Variants in CACUL1 observed in about 807,000 individuals in gnomAD.
CACUL1 encodes CDK2 associated cullin domain 1, also known as CDK2-associated and cullin domain-containing protein 1.
In CACUL1, 13 loss-of-function variants were observed where a neutral mutation model predicts 45.2. That is an observed-to-expected ratio of 0.29 (90% CI 0.19 to 0.46). The LOEUF (loss-of-function observed/expected upper bound fraction) is 0.46. CACUL1 is among the 20% of genes least tolerant of loss of function. CACUL1 has a pLI of 1.00. For missense variants in CACUL1, 421 were observed against 471.4 expected (o/e 0.89, Z 0.99); for synonymous variants, 197 against 174.2 (o/e 1.13, Z -1.03).
At chr10:118,715,119 A>T (rs949642073) in intron 3 of CACUL1, among the ~76,000 whole-genome samples, 1 of 152,252 alleles carries the variant, frequency 6.6e-6, no homozygotes, top group Non-Finnish European at 1.5e-5. Flanking sequence ...AAAAGGTAGA[A>T]CTAGATAATA....
intron 3 of CACUL1, among the ~76,000 whole-genome samples, chr10:118,714,320 G>C (rs918464444): frequency 1.3e-5 from 2 of 152,124 alleles, no homozygotes; most frequent in African/African-American, 4.8e-5. Flanking sequence ...GATTCTCTGA[G>C]TTATGTAGAT....
At chr10:118,686,363 C>T (rs935128494) in intron 8 of CACUL1, among the ~76,000 whole-genome samples, 195 bp from the exon 9 acceptor site, 2 of 152,150 alleles carry the variant, frequency 1.3e-5, no homozygotes, top group African/African-American at 4.8e-5. Flanking sequence ...GACTGGGCTA[C>T]GATGTCATCC....
intron 3 of CACUL1, among the ~76,000 whole-genome samples, chr10:118,708,136 A>C (rs1845450856): frequency 7.4e-6 from 1 of 134,988 alleles, no homozygotes. Flanking sequence ...TGACAGAGCG[A>C]AACACTGTCT....
rs199654505 is a variant in CACUL1 at position 118,695,191 on chromosome 10, G to T, written c.836C>A (p.Thr279Lys). 5 of 1,609,678 alleles carry T rather than the reference G, an allele frequency of 3.1e-6. No individual in the cohort carries two copies. The African/African-American group carries it at 6.7e-5, about 21-fold the overall frequency. The change falls in exon 6 of 9, where the codon ACA becomes AAA. Residue 279 changes from threonine (T) to lysine (K), a missense_variant. This residue lies in a region of CACUL1 where 208 missense variants were observed against 298.4 expected (regional missense o/e 0.70). Transcript: ENST00000369151. Reference protein sequence around the residue: ...LEAQSTPFQVTPSTMANIVKG... With the variant: ...LEAQSTPFQVKPSTMANIVKG... ...CACAATATTTGCCATAGTTGAAGGT[G>T]TGACCTGAAATGGTGTTGACTGGGC... is the stretch of plus-strand genomic sequence containing the variant.
At chr10:118,752,194 C>T (rs1845904237) in intron 1 of CACUL1, among the ~76,000 whole-genome samples, 1 of 152,120 alleles carries the variant, frequency 6.6e-6, no homozygotes, top group African/African-American at 2.4e-5. Context: ...GACCTTCCTA[C>T]AATGCTAAAC....
intron 6 of CACUL1, chr10:118,693,633 G>T (rs1340026858): frequency 2.4e-6 from 1 of 425,144 alleles, no homozygotes; most frequent in Non-Finnish European, 4.7e-6. Context: ...CTACTTGGGA[G>T]GCAGAATTTG....
intron 6 of CACUL1, 85 bp downstream of exon 6, chr10:118,695,056 T>C: frequency 1.2e-6 from 1 of 835,230 alleles, no homozygotes; most frequent in Non-Finnish European, 2.1e-6. Flanking sequence ...CCATTAAGCC[T>C]CACAAAACAC....
intron 3 of CACUL1, among the ~76,000 whole-genome samples, chr10:118,725,854 G>A (rs1425023323): frequency 6.6e-6 from 1 of 152,148 alleles, no homozygotes; most frequent in Admixed American, 6.5e-5. Flanking sequence ...AAAATAACTG[G>A]AGAATATGGG....
chr10:118,678,619 GTTTT>G lies in CACUL1; in HGVS notation c.*7505_*7508del, dbSNP rs71942578. The G allele has an allele frequency of 2.0e-5, 3 of 149,704 alleles. No homozygotes were observed. Among genetic ancestry groups the G allele is most frequent in the East Asian group, 1.9e-4 (1 of 5,164 alleles). 9.3% of individuals were successfully genotyped at this position (149,704 alleles called of 1,614,324 possible). ...CTCTACACTTATTTAGGTCCATTAA[GTTTT>G]TTTTTTATCATTTTCTCATTTTAAA... is the stretch of plus-strand genomic sequence containing the variant. On this transcript the variant is annotated 3_prime_UTR_variant, in exon 9 of 9. Transcript: ENST00000369151.
chr10:118,751,900 C>T (rs1361715612), intron 1 of CACUL1, among the ~76,000 whole-genome samples: 1 of 152,134 alleles, frequency 6.6e-6, no homozygotes, highest in African/African-American at 2.4e-5. Flanking sequence ...CTTGCGTATT[C>T]ACGGGTTGAT....
intron 1 of CACUL1, among the ~76,000 whole-genome samples, chr10:118,731,485 T>C (rs1248217808): frequency 6.6e-6 from 1 of 152,212 alleles, no homozygotes; most frequent in African/African-American, 2.4e-5. Flanking sequence ...CCACTTCTGT[T>C]ATTTAATTTT....
intron 1 of CACUL1, among the ~76,000 whole-genome samples, chr10:118,736,905 C>T: frequency 6.6e-6 from 1 of 152,146 alleles, no homozygotes; most frequent in East Asian, 1.9e-4. Flanking sequence ...AGTACAGTAG[C>T]ATGTTGTACA....
chr10:118,746,690 T>C (rs1290832672), intron 1 of CACUL1, among the ~76,000 whole-genome samples: 1 of 152,118 alleles, frequency 6.6e-6, no homozygotes, highest in African/African-American at 2.4e-5. Context: ...GTAATAATAG[T>C]TGTCTGACAA....
chr10:118,702,509 T>C (rs1344450468), intron 4 of CACUL1, among the ~76,000 whole-genome samples: 1 of 152,190 alleles, frequency 6.6e-6, no homozygotes, highest in Non-Finnish European at 1.5e-5. Flanking sequence ...CTTAAATCAC[T>C]TTGAATCATG....
At chr10:118,689,016 A>C (rs1451277128) in intron 7 of CACUL1, among the ~76,000 whole-genome samples, 1 of 152,252 alleles carries the variant, frequency 6.6e-6, no homozygotes, top group South Asian at 2.1e-4. Flanking sequence ...AAAAGTGCCC[A>C]TAACAATGAA....
At position 118,754,598 on chromosome 10, in the gene CACUL1, C is replaced by A; in HGVS notation, c.165G>T (p.Gly55=). The stretch of plus-strand genomic sequence containing the variant: ...AGACCGCGGGCACCGCCAGCAGCTG[C>A]CCCCCCGGAGGCTCTCGGGCAGGGG... ...IPAPAREPPG[G]QLLAVPAVSV... Residue 55 remains glycine (G), a synonymous_variant, in exon 1 of 9, where the codon GGG becomes GGT. Coordinates refer to ENST00000369151, the MANE Select transcript of CACUL1 (RefSeq NM_153810.5). 1 of 1,607,690 alleles carries A rather than the reference C, an allele frequency of 6.2e-7. No individual in the cohort carries two copies. The highest frequency in any genetic ancestry group is 8.5e-7 in the Non-Finnish European group (1 of 1,177,370).
chr10:118,754,772 C>A lies in CACUL1; in HGVS notation c.-10G>T. 6.5e-7 allele frequency: 1 copy of A among 1,544,408 alleles called. No homozygotes were observed. Among genetic ancestry groups the A allele is most frequent in the Non-Finnish European group, 8.7e-7 (1 of 1,150,396 alleles). On this transcript the variant is annotated 5_prime_UTR_variant, in exon 1 of 9. Transcript: ENST00000369151. ...CCATGCTTTCCTCCATCCTGCTGGC[C>A]CCCGGCACCCGCCCGCCTCACAGGC... is the stretch of plus-strand genomic sequence containing the variant.
intron 3 of CACUL1, among the ~76,000 whole-genome samples, chr10:118,709,191 G>C (rs912035449): frequency 1.6e-4 from 25 of 152,132 alleles, no homozygotes; most frequent in African/African-American, 5.8e-4. Flanking sequence ...TCATCATAAA[G>C]ATTTTCATCC....
At chr10:118,714,324 T>C (rs1051202984) in intron 3 of CACUL1, among the ~76,000 whole-genome samples, 9 of 152,236 alleles carry the variant, frequency 5.9e-5, no homozygotes, top group African/African-American at 1.4e-4. Flanking sequence ...CTCTGAGTTA[T>C]GTAGATCTTC....
Sources: allele counts gnomAD v4.1 joint callset (sites outside exome capture counted in the v4.1 genomes callset), GRCh38; gene constraint gnomAD v4.1.1; regional missense constraint gnomAD v4.1.1; transcripts MANE v1.5; gene names NCBI Gene and HGNC (gene_info 2026-07-23, HGNC 2026-07-21).